Variants in RUFY3 observed in about 807,000 individuals in gnomAD.
RUFY3 encodes the protein RUN and FYVE domain containing 3, also known as protein RUFY3.
Under a neutral mutation model 84.0 loss-of-function variants are expected in RUFY3, and 34 were observed. The ratio of observed to expected loss-of-function variants is 0.40; its 90% CI spans 0.31 to 0.54. The LOEUF (loss-of-function observed/expected upper bound fraction) is 0.54. Among genes scored for constraint, RUFY3 ranks in the 20% least tolerant of loss-of-function variants. RUFY3 has a pLI of 0.39. For missense variants in RUFY3, 507 were observed against 736.8 expected, an observed-to-expected ratio of 0.69 and a Z score of 3.61; for synonymous variants, 242 against 252.9, an observed-to-expected ratio of 0.96 and a Z score of 0.41.
At chr4:70,765,511 A>G (rs1310318922) in intron 4 of RUFY3, among the ~76,000 whole-genome samples, 1 of 152,184 alleles carries the variant, frequency 6.6e-6, no homozygotes, top group African/African-American at 2.4e-5. Context: ...TCATGGAACT[A>G]ACAGTTAGCT....
Position 70,794,799 on chromosome 4 carries a change from C to G in RUFY3, c.1462C>G (p.Gln488Glu). Residue 488 changes from glutamine (Q) to glutamate (E), a missense_variant, in exon 14 of 18, where the codon CAG becomes GAG. Physicochemically the swap from Gln to Glu is conservative, Grantham distance 29. Coordinates refer to ENST00000381006, the MANE Select transcript of RUFY3 (RefSeq NM_001037442.4). ...EVEELTRQRN[Q>E]LELELKQEKE... ...TTCCTCTCCAACTTACCTCAGGAAC[C>G]AGCTTGAGTTAGAACTAAAACAGGA... 1.2e-6 allele frequency: 2 copies of G among 1,608,424 alleles called. No homozygotes were observed. Among genetic ancestry groups the G allele is most frequent in the Non-Finnish European group, 1.7e-6 (2 of 1,175,726 alleles).
intron 10 of RUFY3, among the ~76,000 whole-genome samples, chr4:70,787,936 TA>T (rs1222864506): frequency 6.6e-6 from 1 of 152,128 alleles, no homozygotes; most frequent in African/African-American, 2.4e-5. Flanking sequence ...ATCACCCACA[TA>T]ATGTTGCAGT....
chr4:70,775,947 A>AAAAAAAAAAAAC (rs1553917246), intron 7 of RUFY3, among the ~76,000 whole-genome samples: 5 of 129,232 alleles, frequency 3.9e-5, no homozygotes, highest in African/African-American at 2.2e-4. Flanking sequence ...TCTTAAACAA[A>AAAAAAAAAAAAC]AAAAAAAAAA....
At chr4:70,767,164 C>T (rs759199245) in intron 4 of RUFY3, among the ~76,000 whole-genome samples, 2 of 151,838 alleles carry the variant, frequency 1.3e-5, no homozygotes, top group Non-Finnish European at 2.9e-5. Context: ...CAGCTCACCG[C>T]AATCTCCGCC....
At position 70,722,740 on chromosome 4, in the gene RUFY3, C is replaced by G; in HGVS notation, c.167C>G (p.Pro56Arg). Residue 56 changes from proline to arginine, a missense_variant, in exon 1 of 18, where the codon CCT becomes CGT. Transcript: ENST00000381006. ...DDISLTPDPEPTHEDPNYLMA... is the reference protein window; with the variant it reads ...DDISLTPDPERTHEDPNYLMA... ...ATCTCACTTACACCTGACCCAGAGC[C>G]TACCCATGAAGGTATGGTCAGATCC... is the stretch of plus-strand genomic sequence containing the variant. 6.2e-7 allele frequency: 1 copy of G among 1,614,022 alleles called. No homozygotes were observed. The highest frequency in any genetic ancestry group is 8.5e-7 in the Non-Finnish European group (1 of 1,179,942).
intron 1 of RUFY3, among the ~76,000 whole-genome samples, chr4:70,733,271 C>A (rs549055582): frequency 1.3e-5 from 2 of 151,992 alleles, no homozygotes; most frequent in South Asian, 2.1e-4. Context: ...ATATTCTGGA[C>A]CGACTGTATA....
At position 70,784,781 on chromosome 4, in the gene RUFY3, A is replaced by T; in HGVS notation, c.988-15A>T. ...TAAATCCTTAAATATGTACAATGTTATTTATCTTTTCAAGGGTCCCAAGCA... is the reference window on the plus strand; with the variant it reads ...TAAATCCTTAAATATGTACAATGTTTTTTATCTTTTCAAGGGTCCCAAGCA... On this transcript the variant is annotated splice_polypyrimidine_tract_variant and intron_variant, in intron 9 of 17. Transcript: ENST00000381006. 1 of 1,567,176 alleles carries T rather than the reference A, an allele frequency of 6.4e-7. No individual in the cohort carries two copies. Among genetic ancestry groups the T allele is most frequent in the Non-Finnish European group, 8.7e-7 (1 of 1,155,092 alleles).
chr4:70,791,200 T>G (rs374694709), intron 12 of RUFY3: 215 of 1,595,122 alleles, frequency 1.3e-4, no homozygotes, highest in Non-Finnish European at 1.7e-4. Flanking sequence ...TCCTTTCACT[T>G]CATTGTCATT....
rs1477301410 is a variant in RUFY3, at chr4:70,722,597, C to T, written c.24C>T (p.Thr8=). ...TCATGTCTGCTCTGACGCCTCCGACCGATATGCCAACCCCCACCACTGACA... is the reference window on the plus strand; with the variant it reads ...TCATGTCTGCTCTGACGCCTCCGACTGATATGCCAACCCCCACCACTGACA... MSALTPP[T]DMPTPTTDKI... Residue 8 remains threonine, a synonymous_variant, in exon 1 of 18, where the codon ACC becomes ACT. Transcript: ENST00000381006. 3.1e-6 allele frequency: 5 copies of T among 1,613,266 alleles called. No individual in the cohort carries two copies. Among genetic ancestry groups the T allele is most frequent in the Admixed American group, 1.7e-5 (1 of 59,890 alleles).
intron 4 of RUFY3, among the ~76,000 whole-genome samples, chr4:70,767,620 TTGTG>T (rs1726197107): frequency 1.3e-5 from 2 of 152,110 alleles, no homozygotes; most frequent in African/African-American, 4.8e-5. Context: ...ACTGGTTTTT[TTGTG>T]TGTGTATTAG....
chr4:70,802,748 G>A lies in RUFY3; in HGVS notation c.1623-208G>A, dbSNP rs1346710781. The stretch of plus-strand genomic sequence containing the variant: ...GGGAACCCTTATATAATAAGTCAAG[G>A]GTCAGATTCTAGTGATTCATTTTAA... On this transcript the variant is annotated intron_variant, in intron 15 of 17. Transcript: ENST00000381006. The A allele has an allele frequency of 6.6e-6, 3 of 453,096 alleles. No homozygotes were observed. In the East Asian group the frequency reaches 1.0e-4, roughly 15 times the overall value. The allele number at this position is 453,096 out of a possible 1,614,324, so 28.1% of individuals were successfully genotyped here.
chr4:70,725,424 G>A (rs967833515), intron 1 of RUFY3, among the ~76,000 whole-genome samples: 1 of 151,560 alleles, frequency 6.6e-6, no homozygotes, highest in Non-Finnish European at 1.5e-5. Context: ...TCTGCCTACC[G>A]GGTTCAAGCG....
chr4:70,794,017 C>T, intron 13 of RUFY3, 113 bp downstream of exon 13: 1 of 1,146,012 alleles, frequency 8.7e-7, no homozygotes, highest in East Asian at 2.6e-5. Flanking sequence ...TTTGCAATGT[C>T]CTTTCTCTGG....
At chr4:70,794,503 C>A (rs1349158057) in intron 13 of RUFY3, among the ~76,000 whole-genome samples, 1 of 152,090 alleles carries the variant, frequency 6.6e-6, no homozygotes, top group Non-Finnish European at 1.5e-5. Flanking sequence ...ATTGCTTGAA[C>A]CTAGGAAATG....
intron 8 of RUFY3, among the ~76,000 whole-genome samples, chr4:70,781,568 T>G (rs114644885): frequency 0.014 from 2,150 of 152,340 alleles, 26 homozygotes; most frequent in Middle Eastern, 0.051. Flanking sequence ...TAATCAGGTT[T>G]CCCAATAGTT....
At chr4:70,780,653 C>A (rs940034817) in intron 8 of RUFY3, among the ~76,000 whole-genome samples, 8 of 152,148 alleles carry the variant, frequency 5.3e-5, no homozygotes, top group Admixed American at 4.6e-4. Flanking sequence ...ATTTATTTAT[C>A]TATAACATGG....
chr4:70,735,969 C>G (rs1358520985), intron 1 of RUFY3, among the ~76,000 whole-genome samples: 1 of 151,710 alleles, frequency 6.6e-6, no homozygotes, highest in Non-Finnish European at 1.5e-5. Context: ...GCCTGGGCAA[C>G]AAGAGCAAAA....
intron 12 of RUFY3, chr4:70,792,562 C>T (rs1473249634): frequency 2.0e-6 from 2 of 985,198 alleles, no homozygotes; most frequent in African/African-American, 1.7e-5. Context: ...AGCCTTCATT[C>T]CTTCAAAAGG....
At chr4:70,740,309 C>CT (rs1027233346) in intron 1 of RUFY3, among the ~76,000 whole-genome samples, 1 of 152,140 alleles carries the variant, frequency 6.6e-6, no homozygotes, top group Non-Finnish European at 1.5e-5. Flanking sequence ...ACTTTAATCT[C>CT]TGTTTTAAGA....
Sources: allele counts gnomAD v4.1 joint callset (sites outside exome capture counted in the v4.1 genomes callset), GRCh38; gene constraint gnomAD v4.1.1; transcripts MANE v1.5; gene names NCBI Gene and HGNC (gene_info 2026-07-23, HGNC 2026-07-21).